The following HS6ST2 variants were observed in gnomAD, a reference collection of about 807,000 sequenced individuals.
HS6ST2 encodes the protein heparan-sulfate 6-O-sulfotransferase 2.
In HS6ST2, 17 loss-of-function variants were observed where a neutral mutation model predicts 33.0. That is an observed-to-expected ratio of 0.52 (90% CI 0.35 to 0.77). HS6ST2 has a LOEUF of 0.77. HS6ST2 is among the 30% of genes least tolerant of loss of function. The pLI is 0.01. For missense variants in HS6ST2, 519 were observed against 551.7 expected (o/e 0.94, Z 0.59); for synonymous variants, 248 against 237.1 (o/e 1.05, Z -0.42).
At chrX:132,713,883 A>G (rs1279786388) in intron 2 of HS6ST2, among the ~76,000 whole-genome samples, 1 of 110,591 alleles carries the variant, frequency 9.0e-6, no homozygotes, top group Non-Finnish European at 1.9e-5. Flanking sequence ...GCTTTTGGGC[A>G]AGAGCATCTC....
chrX:132,812,796 C>T (rs2065361537), intron 2 of HS6ST2, among the ~76,000 whole-genome samples: 1 of 110,389 alleles, frequency 9.1e-6, no homozygotes, highest in African/African-American at 3.3e-5. Flanking sequence ...TGCCCCTGTG[C>T]ATCCTCGCTT....
chrX:132,833,656 A>G (rs2065612644), intron 2 of HS6ST2, among the ~76,000 whole-genome samples: 1 of 111,343 alleles, frequency 9.0e-6, no homozygotes, highest in Admixed American at 9.6e-5. Flanking sequence ...GGCTTCCAGG[A>G]GCATTCACAG....
At chrX:132,945,007 A>T (rs1383765488) in intron 2 of HS6ST2, among the ~76,000 whole-genome samples, 1 of 112,150 alleles carries the variant, frequency 8.9e-6, no homozygotes, top group Admixed American at 9.5e-5. Flanking sequence ...CACAAATGAT[A>T]TCTAATTAAA....
intron 2 of HS6ST2, among the ~76,000 whole-genome samples, chrX:132,794,806 TG>T (rs1251336345): frequency 9.0e-6 from 1 of 110,719 alleles, no homozygotes; most frequent in Non-Finnish European, 1.9e-5. Flanking sequence ...GAAGTTGTAA[TG>T]AAGAAACTTG....
At chrX:132,818,260 A>C (rs1479388801) in intron 2 of HS6ST2, among the ~76,000 whole-genome samples, 1 of 111,161 alleles carries the variant, frequency 9.0e-6, no homozygotes, top group East Asian at 2.8e-4. Flanking sequence ...TGCAGGGTAG[A>C]AGAGCTCTAT....
At chrX:132,672,476 A>T (rs943236349) in intron 3 of HS6ST2, among the ~76,000 whole-genome samples, 7 of 111,640 alleles carry the variant, frequency 6.3e-5, no homozygotes, top group Admixed American at 2.9e-4. Context: ...TACAATTTCC[A>T]AGGCTATGGA....
intron 2 of HS6ST2, among the ~76,000 whole-genome samples, chrX:132,775,596 T>C (rs1472578464): frequency 8.9e-6 from 1 of 111,889 alleles, no homozygotes; most frequent in African/African-American, 3.2e-5. Context: ...TTCTTTCCTA[T>C]ATAAACTGAG....
chrX:132,950,029 T>G (rs2066996061), intron 2 of HS6ST2, among the ~76,000 whole-genome samples: 4 of 112,136 alleles, frequency 3.6e-5, no homozygotes, highest in Admixed American at 1.9e-4. Flanking sequence ...TGAGATTTCT[T>G]GAACCATTCT....
At chrX:132,901,231 A>G (rs2066423270) in intron 2 of HS6ST2, among the ~76,000 whole-genome samples, 1 of 112,033 alleles carries the variant, frequency 8.9e-6, no homozygotes, top group Non-Finnish European at 1.9e-5. Flanking sequence ...AACCCAGCAA[A>G]GCCATGCCTA....
chrX:132,851,561 G>C (rs2065801018), intron 2 of HS6ST2, among the ~76,000 whole-genome samples: 1 of 112,348 alleles, frequency 8.9e-6, no homozygotes, highest in African/African-American at 3.2e-5. Context: ...CTCCTCTTGA[G>C]GGTTAATGTG....
Position 132,741,309 on chromosome X carries a change from T to G in HS6ST2, c.948-32815A>C, listed in dbSNP as rs761723598. Among the ~76,000 whole-genome samples the G allele has an allele frequency of 5.5e-5, 6 of 109,263 alleles. No homozygotes were observed. The East Asian group carries it at 1.7e-3, about 31-fold the overall frequency. The allele number at this position is 109,263 out of a possible 115,157, so 94.9% of individuals were successfully genotyped here. ...GGTTTTGTTTTTGGTTTTGTTTTTT[T>G]TTTTTTTTGAGACAGAGTCTTGCTC... On this transcript the variant is annotated intron_variant, in intron 2 of 4. Transcript: ENST00000370833.
chrX:132,869,990 G>A (rs1250683982), intron 2 of HS6ST2, among the ~76,000 whole-genome samples: 1 of 111,614 alleles, frequency 9.0e-6, no homozygotes, highest in African/African-American at 3.3e-5. Context: ...TCTGTTTGCA[G>A]ATGACATGAT....
intron 2 of HS6ST2, among the ~76,000 whole-genome samples, chrX:132,803,153 C>T (rs1185388049): frequency 8.9e-6 from 1 of 111,752 alleles, no homozygotes; most frequent in Non-Finnish European, 1.9e-5. Flanking sequence ...GCCAGCTTCT[C>T]TCCTTTGTTT....
chrX:132,658,317 C>G (rs1008337670), intron 4 of HS6ST2, among the ~76,000 whole-genome samples: 3 of 111,651 alleles, frequency 2.7e-5, no homozygotes, highest in Non-Finnish European at 5.7e-5. Context: ...TAAAGCACTC[C>G]GAACAGGGCC....
intron 2 of HS6ST2, among the ~76,000 whole-genome samples, chrX:132,911,905 G>A (rs1275598442): frequency 1.8e-5 from 2 of 111,219 alleles, no homozygotes; most frequent in Non-Finnish European, 3.8e-5. Context: ...CCAAAGTGCT[G>A]GGATTACAGG....
At chrX:132,954,855 T>C (rs1394131044) in intron 2 of HS6ST2, among the ~76,000 whole-genome samples, 1 of 111,952 alleles carries the variant, frequency 8.9e-6, no homozygotes, top group Admixed American at 9.5e-5. Flanking sequence ...CCAAGAGGCT[T>C]TGAGGGGTTC....
intron 4 of HS6ST2, among the ~76,000 whole-genome samples, chrX:132,653,703 T>C (rs2063710162): frequency 8.9e-6 from 1 of 111,772 alleles, no homozygotes; most frequent in African/African-American, 3.3e-5. Flanking sequence ...GGACAAACCC[T>C]AAGTCATTGG....
intron 2 of HS6ST2, among the ~76,000 whole-genome samples, chrX:132,811,921 T>C (rs1164368873): frequency 9.3e-6 from 1 of 107,509 alleles, no homozygotes; most frequent in Non-Finnish European, 1.9e-5. Flanking sequence ...AAATCCTTGC[T>C]TTCAGTTCTT....
chrX:132,896,863 T>G (rs764566471), intron 2 of HS6ST2, among the ~76,000 whole-genome samples: 2 of 111,873 alleles, frequency 1.8e-5, no homozygotes, highest in Non-Finnish European at 3.8e-5. Flanking sequence ...AATATAGGGG[T>G]GCTATGTCAT....
Sources: allele counts gnomAD v4.1 joint callset (sites outside exome capture counted in the v4.1 genomes callset), GRCh38; gene constraint gnomAD v4.1.1; transcripts MANE v1.5; gene names NCBI Gene and HGNC (gene_info 2026-07-23, HGNC 2026-07-21).